Variants in DAB2IP observed in about 807,000 individuals in gnomAD.
DAB2IP encodes DAB2 interacting protein.
Under a neutral mutation model 107.2 loss-of-function variants are expected in DAB2IP, and 28 were observed. The observed-to-expected ratio is 0.26, with a 90% CI of 0.19 to 0.36. The LOEUF is 0.36. Among genes scored for constraint, DAB2IP ranks in the 10% least tolerant of loss-of-function variants. DAB2IP has a pLI of 1.00. For missense variants in DAB2IP, 1,400 were observed against 1,644.7 expected, an observed-to-expected ratio of 0.85 and a Z score of 2.57; for synonymous variants, 755 against 706.4, an observed-to-expected ratio of 1.07 and a Z score of -1.09.
chr9:121,768,273 C>T (rs1237823061), intron 9 of DAB2IP, among the ~76,000 whole-genome samples, 159 bp from the exon 10 acceptor site: 1 of 152,148 alleles, frequency 6.6e-6, no homozygotes, highest in African/African-American at 2.4e-5. Context: ...AAGGAGGGCC[C>T]TGGTGACCTG....
chr9:121,569,061 G>A (rs1829871195), intron 1 of DAB2IP, among the ~76,000 whole-genome samples: 1 of 152,220 alleles, frequency 6.6e-6, no homozygotes, highest in African/African-American at 2.4e-5. Context: ...TGGAGCCCAG[G>A]CTCTCTCTGG....
chr9:121,650,894 T>C (rs1476515621), upstream of DAB2IP, among the ~76,000 whole-genome samples: 1 of 152,074 alleles, frequency 6.6e-6, no homozygotes, highest in African/African-American at 2.4e-5. Flanking sequence ...GCAAGATTAT[T>C]TGGGGTCCAA....
intron 1 of DAB2IP, among the ~76,000 whole-genome samples, chr9:121,660,233 G>A (rs1357276534): frequency 6.6e-6 from 1 of 152,152 alleles, no homozygotes; most frequent in Non-Finnish European, 1.5e-5. Context: ...CATGCATCCT[G>A]CCTTAAATCA....
At chr9:121,743,665 G>T (rs1468789591) in intron 3 of DAB2IP, among the ~76,000 whole-genome samples, 1 of 152,360 alleles carries the variant, frequency 6.6e-6, no homozygotes, top group East Asian at 1.9e-4. Flanking sequence ...CAGCAGGAAG[G>T]CTCGCCCGGC....
At chr9:121,651,360 G>GTC (rs560292423), upstream of DAB2IP, among the ~76,000 whole-genome samples, 2 of 152,220 alleles carry the variant, frequency 1.3e-5, no homozygotes, top group Non-Finnish European at 2.9e-5. The surrounding 1 kb of genome is among the most constrained non-coding windows in gnomAD (Gnocchi z 5.1). Flanking sequence ...GGTGTGCACC[G>GTC]TCTACCCGCG....
chr9:121,579,905 C>T (rs1830152993), intron 1 of DAB2IP, among the ~76,000 whole-genome samples: 1 of 152,200 alleles, frequency 6.6e-6, no homozygotes, highest in African/African-American at 2.4e-5. Flanking sequence ...AGGACTTGGC[C>T]TCACCTTGCC....
At chr9:121,679,866 A>AGG (rs1212939639) in intron 2 of DAB2IP, among the ~76,000 whole-genome samples, 1 of 151,914 alleles carries the variant, frequency 6.6e-6, no homozygotes, top group African/African-American at 2.4e-5. Flanking sequence ...AGAGAGAGAG[A>AGG]GAGGGACTTC....
At chr9:121,727,187 G>A (rs1467641146) in intron 3 of DAB2IP, among the ~76,000 whole-genome samples, 1 of 152,160 alleles carries the variant, frequency 6.6e-6, no homozygotes. Context: ...TTCCCCATCT[G>A]GAGATCCCTC....
intron 2 of DAB2IP, among the ~76,000 whole-genome samples, chr9:121,681,113 G>A (rs1211316514): frequency 1.3e-5 from 2 of 152,116 alleles, no homozygotes; most frequent in African/African-American, 4.8e-5. Context: ...CCCAGGTGAG[G>A]AAACAGGTTC....
Position 121,772,731 on chromosome 9 carries a change from C to A in DAB2IP, c.2203C>A (p.Pro735Thr). The change falls in exon 12 of 16, where the codon CCT becomes ACT. Residue 735 changes from proline to threonine, a missense_variant. By Grantham distance (38) the Pro-to-Thr change is conservative. This residue lies in a region of DAB2IP where 600 missense variants were observed against 659.1 expected (regional missense o/e 0.91). Transcript: ENST00000408936. The surrounding 1 kb of genome is among the most constrained non-coding windows in gnomAD (Gnocchi z 4.7). ...CTCGAGTTACTCGGAAGCCAACGAG[C>A]CTGATCTTCAGATGGCCAACGGTGG... is the stretch of plus-strand genomic sequence containing the variant. 6.2e-7 allele frequency: 1 copy of A among 1,614,060 alleles called. No individual in the cohort carries two copies. The highest frequency in any genetic ancestry group is 8.5e-7 in the Non-Finnish European group (1 of 1,180,022).
Position 121,737,552 on chromosome 9 carries a change from C to G in DAB2IP, c.363-19461C>G, listed in dbSNP as rs536306841. Reference sequence around the variant, plus strand: ...ACCCTTGGGAATGGGCCTCTGTGGCCTTGGACTTCTTAGTGACAACTTCGG... The same window carrying G: ...ACCCTTGGGAATGGGCCTCTGTGGCGTTGGACTTCTTAGTGACAACTTCGG... On this transcript the variant is annotated intron_variant, in intron 3 of 15. Coordinates refer to ENST00000408936, the Ensembl canonical transcript of DAB2IP. 4.9e-4 allele frequency: 481 copies of G among 985,414 alleles called. 3 individuals carry two copies. In the South Asian group the frequency reaches 0.011, roughly 23 times the overall value. The allele number at this position is 985,414 out of a possible 1,614,324, so 61.0% of individuals were successfully genotyped here.
intron 1 of DAB2IP, among the ~76,000 whole-genome samples, chr9:121,676,003 G>A (rs575928309): frequency 2.6e-4 from 40 of 152,376 alleles, no homozygotes; most frequent in Non-Finnish European, 4.1e-4. Context: ...AGGAAGCACC[G>A]TGCGGGAACA....
At chr9:121,570,800 G>A (rs4837879) in intron 1 of DAB2IP, among the ~76,000 whole-genome samples, 43,781 of 151,076 alleles carry the variant, frequency 0.29, 7,878 homozygotes, top group South Asian at 0.5. Context: ...TGCCCGCCTC[G>A]GCTTCCCAAA....
At chr9:121,747,362 C>CTTTTT (rs1564196322) in intron 3 of DAB2IP, among the ~76,000 whole-genome samples, 18 of 130,280 alleles carry the variant, frequency 1.4e-4, no homozygotes, top group African/African-American at 5.7e-4. Context: ...TTTTTTTTTC[C>CTTTTT]CCTGAGACAG....
chr9:121,677,670 G>A (rs1377415102), intron 1 of DAB2IP, among the ~76,000 whole-genome samples: 3 of 152,002 alleles, frequency 2.0e-5, no homozygotes, highest in Admixed American at 1.3e-4. Flanking sequence ...CTTTCCCCCC[G>A]CTTTTTTTTG....
chr9:121,785,291 A>ACACT (rs1288262772), exon 16 of DAB2IP: 1 of 152,456 alleles, frequency 6.6e-6, no homozygotes, highest in Non-Finnish European at 1.5e-5. Flanking sequence ...TCTTTTCTAC[A>ACACT]CACTCAGCCA....
chr9:121,571,439 A>G (rs1425317674), intron 1 of DAB2IP, among the ~76,000 whole-genome samples: 2 of 152,132 alleles, frequency 1.3e-5, no homozygotes, highest in Non-Finnish European at 2.9e-5. Context: ...GTGCAAAGGC[A>G]TGGAGACTGG....
At chr9:121,785,136 C>G (rs1412693263) in exon 16 of DAB2IP, 2 of 152,838 alleles carry the variant, frequency 1.3e-5, no homozygotes, top group Middle Eastern at 3.4e-3. Context: ...AGTGAGGACT[C>G]TTTCCGACTG....
At chr9:121,775,153 T>C (rs896392018) in intron 13 of DAB2IP, among the ~76,000 whole-genome samples, 1 of 152,186 alleles carries the variant, frequency 6.6e-6, no homozygotes, top group Non-Finnish European at 1.5e-5. Flanking sequence ...GCAGTCCATG[T>C]AGACGGAGGA....
Sources: allele counts gnomAD v4.1 joint callset (sites outside exome capture counted in the v4.1 genomes callset), GRCh38; gene constraint gnomAD v4.1.1; regional missense constraint gnomAD v4.1.1; non-coding constraint Gnocchi (gnomAD v3.1); transcripts MANE v1.5; gene names NCBI Gene and HGNC (gene_info 2026-07-23, HGNC 2026-07-21).